TLK2: variants seen among roughly 807,000 people sequenced by gnomAD.
TLK2 encodes the protein tousled like kinase 2, also known as serine/threonine-protein kinase tousled-like 2.
A neutral mutation model predicts 117.3 loss-of-function variants in TLK2; 6 were observed. The ratio of observed to expected loss-of-function variants is 0.05; its 90% confidence interval spans 0.03 to 0.10. TLK2 has a LOEUF of 0.10. TLK2 is among the 10% of genes least tolerant of loss of function. The pLI, the probability that TLK2 is intolerant of heterozygous loss-of-function variation, is 1.00. For missense variants in TLK2, 299 were observed against 901.2 expected (o/e 0.33, Z 8.56); for synonymous variants, 257 against 316.7 (o/e 0.81, Z 2.00).
At chr17:62,472,543 C>G (rs2070961652) in intron 1 of TLK2, among the ~76,000 whole-genome samples, 1 of 151,852 alleles carries the variant, frequency 6.6e-6, no homozygotes, top group Non-Finnish European at 1.5e-5. Flanking sequence ...TCGAGAGCAT[C>G]CTGGCTAACA....
rs763538762 is a variant in TLK2, at chr17:62,522,200, A to G, written c.154-4A>G. 31 of 1,613,138 alleles carry G rather than the reference A, an allele frequency of 1.9e-5. No homozygotes were observed. In the East Asian group the frequency reaches 6.5e-4, roughly 34 times the overall value. On this transcript the variant is annotated splice_polypyrimidine_tract_variant and splice_region_variant and intron_variant, in intron 3 of 21. Transcript: ENST00000346027. ...CTAATTGTGACTTATATGGTATTTGACAGACTCCCGAGAAAAAGCAGAATG... is the reference window on the plus strand; with the variant it reads ...CTAATTGTGACTTATATGGTATTTGGCAGACTCCCGAGAAAAAGCAGAATG...
chr17:62,569,080 G>A (rs879268899), intron 11 of TLK2, among the ~76,000 whole-genome samples: 24 of 151,648 alleles, frequency 1.6e-4, no homozygotes, highest in Admixed American at 1.4e-3. Context: ...CGAGGTGGGT[G>A]CATATCCTGA....
chr17:62,495,266 CAG>C (rs2073534271), intron 2 of TLK2, among the ~76,000 whole-genome samples: 2 of 152,020 alleles, frequency 1.3e-5, no homozygotes, highest in South Asian at 2.1e-4. Flanking sequence ...GCCCGCGCAA[CAG>C]GAGGGAAACT....
chr17:62,555,911 C>T (rs541606500), intron 9 of TLK2, among the ~76,000 whole-genome samples: 16 of 152,302 alleles, frequency 1.1e-4, no homozygotes, highest in African/African-American at 3.8e-4. Flanking sequence ...CTTGGCCTCC[C>T]AAGTAGTTGG....
intron 14 of TLK2, among the ~76,000 whole-genome samples, chr17:62,579,368 A>G (rs1359704333): frequency 6.6e-6 from 1 of 152,138 alleles, no homozygotes. Context: ...TTGCCCAGGG[A>G]CCCATAAATA....
At position 62,554,220 on chromosome 17, in the gene TLK2, C is replaced by T. The variant is rs114813701; in HGVS notation, c.720+465C>T. Among the ~76,000 whole-genome samples, 876 of 152,164 alleles carry T rather than the reference C, an allele frequency of 5.8e-3. 8 individuals are homozygous for T. The highest frequency in any genetic ancestry group is 0.02 in the African/African-American group (835 of 41,490). On this transcript the variant is annotated intron_variant, in intron 9 of 21. Transcript: ENST00000346027. ...GCTTCATCTGGAATTAAATAGATAC[C>T]ACTAGAAAATATCAATATATTTTGA...
intron 18 of TLK2, among the ~76,000 whole-genome samples, chr17:62,601,335 GC>G (rs1209074245): frequency 1.3e-5 from 2 of 152,136 alleles, no homozygotes; most frequent in Non-Finnish European, 2.9e-5. Flanking sequence ...GTTATCTTCA[GC>G]TGTGTTTTAG....
chr17:62,603,895 A>C (rs961612642), intron 19 of TLK2, among the ~76,000 whole-genome samples: 1 of 152,220 alleles, frequency 6.6e-6, no homozygotes, highest in Admixed American at 6.5e-5. Flanking sequence ...GATAAAAATA[A>C]TCCTGAAGGG....
chr17:62,518,186 T>A (rs1196721051), intron 2 of TLK2, among the ~76,000 whole-genome samples: 1 of 152,198 alleles, frequency 6.6e-6, no homozygotes, highest in Non-Finnish European at 1.5e-5. Context: ...CAGAAAAAAT[T>A]TGCAACCTCG....
At chr17:62,573,181 T>C (rs551456102) in intron 11 of TLK2, 34 bp from the exon 12 acceptor site, 1 of 1,582,114 alleles carries the variant, frequency 6.3e-7, no homozygotes, top group African/African-American at 1.4e-5. Flanking sequence ...ACTTTTGACT[T>C]TCTTTCTTTG....
At position 62,613,705 on chromosome 17, in the gene TLK2, C is replaced by G. The variant is rs1239558782; in HGVS notation, c.*1140C>G. 6.6e-6 allele frequency: 1 copy of G among 152,156 alleles called. No individual in the cohort carries two copies. The highest frequency in any genetic ancestry group is 1.5e-5 in the Non-Finnish European group (1 of 68,052). The allele number at this position is 152,156 out of a possible 1,614,324, so 9.4% of individuals were successfully genotyped here. A position where few individuals can be genotyped will look rare whatever the true frequency, so the allele number is the denominator to read the frequency against. ...AGATCTTTTGGCAGCAAACAACCTTCCCCCCAAGCCTCTGAATTTTGTGGG... is the reference window on the plus strand; with the variant it reads ...AGATCTTTTGGCAGCAAACAACCTTGCCCCCAAGCCTCTGAATTTTGTGGG... On this transcript the variant is annotated 3_prime_UTR_variant, in exon 22 of 22. Coordinates refer to ENST00000346027, the MANE Select transcript of TLK2 (RefSeq NM_006852.6).
intron 2 of TLK2, among the ~76,000 whole-genome samples, chr17:62,493,672 GAC>G (rs1319264244): frequency 1.3e-5 from 2 of 152,202 alleles, no homozygotes; most frequent in Admixed American, 6.5e-5. Flanking sequence ...AACTAGTAAT[GAC>G]AGTCAAATTG....
At chr17:62,508,332 T>C in intron 2 of TLK2, 1 of 672,414 alleles carries the variant, frequency 1.5e-6, no homozygotes, top group South Asian at 6.8e-5. Context: ...TACCACATAG[T>C]TAAACTTAAA....
rs950400222 is a variant in TLK2 at position 62,613,847 on chromosome 17, C to CA, written c.*1282_*1283insA. On this transcript the variant is annotated 3_prime_UTR_variant, in exon 22 of 22. Coordinates refer to ENST00000346027, the MANE Select transcript of TLK2 (RefSeq NM_006852.6). ...CTGAAAAGAAATAGATATTTCAGGC[C>CA]GGGCCTGGTGGTTCACGCCTGTAAT... is the stretch of plus-strand genomic sequence containing the variant. The CA allele has an allele frequency of 2.2e-4, 34 of 152,074 alleles. No homozygotes were observed. The highest frequency in any genetic ancestry group is 8.2e-4 in the African/African-American group (34 of 41,382). 9.4% of individuals were successfully genotyped at this position (152,074 alleles called of 1,614,324 possible). A position where few individuals can be genotyped will look rare whatever the true frequency, so the allele number is the denominator to read the frequency against.
upstream of TLK2, among the ~76,000 whole-genome samples, chr17:62,478,479 G>GGGCCTCC (rs1416871856): frequency 6.7e-6 from 1 of 150,018 alleles, no homozygotes; most frequent in African/African-American, 2.4e-5. Context: ...CGGGTCCTCC[G>GGGCCTCC]GGCCTCCGGC....
chr17:62,508,930 T>G (rs1446724490), intron 2 of TLK2, among the ~76,000 whole-genome samples: 1 of 152,072 alleles, frequency 6.6e-6, no homozygotes, highest in Non-Finnish European at 1.5e-5. Context: ...ATTGCACCAC[T>G]GCACTCCTGC....
intron 2 of TLK2, among the ~76,000 whole-genome samples, chr17:62,487,686 T>C (rs1298424091): frequency 1.5e-5 from 2 of 130,666 alleles, no homozygotes. Flanking sequence ...TGCAATGGCA[T>C]GATCTCGGCT....
At chr17:62,590,367 A>T (rs2081985502) in intron 16 of TLK2, among the ~76,000 whole-genome samples, 1 of 152,072 alleles carries the variant, frequency 6.6e-6, no homozygotes, top group Admixed American at 6.5e-5. Context: ...TGAACCCAGG[A>T]GGCAGAGGTT....
chr17:62,504,150 A>G (rs1477778621), intron 2 of TLK2, among the ~76,000 whole-genome samples: 1 of 152,198 alleles, frequency 6.6e-6, no homozygotes, highest in African/African-American at 2.4e-5. Flanking sequence ...TTGGTTGGTT[A>G]AAATTTCATG....
Sources: gnomAD v4.1 joint callset for allele counts (sites outside exome capture counted in the v4.1 genomes callset) on GRCh38, gnomAD v4.1.1 for gene constraint, MANE v1.5 for transcripts, NCBI Gene and HGNC (gene_info 2026-07-23, HGNC 2026-07-21) for gene names.